RBMS3: variants seen among roughly 807,000 people sequenced by gnomAD.
RBMS3 encodes the protein RNA binding motif single stranded interacting protein 3.
Under a neutral mutation model 66.8 loss-of-function variants are expected in RBMS3, and 27 were observed. The ratio of observed to expected loss-of-function variants is 0.40; its 90% CI spans 0.30 to 0.56. The LOEUF (loss-of-function observed/expected upper bound fraction) is 0.56. Among genes scored for constraint, RBMS3 ranks in the 20% least tolerant of loss-of-function variants. The pLI is 0.40. For missense variants in RBMS3, 513 were observed against 549.5 expected (o/e 0.93, Z 0.66); for synonymous variants, 188 against 183.0 (o/e 1.03, Z -0.22).
At chr3:29,952,362 C>A (rs139103630) in intron 12 of RBMS3, among the ~76,000 whole-genome samples, 1 of 151,914 alleles carries the variant, frequency 6.6e-6, no homozygotes, top group Non-Finnish European at 1.5e-5. Flanking sequence ...GTTAATGCCA[C>A]TTTTCGTATT....
At chr3:29,301,589 A>G (rs2033674662) in intron 1 of RBMS3, among the ~76,000 whole-genome samples, 1 of 152,014 alleles carries the variant, frequency 6.6e-6, no homozygotes, top group Non-Finnish European at 1.5e-5. Context: ...AGTTTTTGTC[A>G]GAAAGAATGA....
chr3:29,630,448 C>T lies in RBMS3; in HGVS notation c.399+43243C>T, dbSNP rs796997997. ...TTGGGGACCAACTCATTGTCAATTT[C>T]CCCCAGTGCCTACTACAGTGCCTGC... On this transcript the variant is annotated intron_variant, in intron 4 of 14. Coordinates refer to ENST00000383767, the MANE Select transcript of RBMS3 (RefSeq NM_001003793.3). Among the ~76,000 whole-genome samples, 140 of 152,040 alleles carry T rather than the reference C, an allele frequency of 9.2e-4. 1 individual carries two copies. The highest frequency in any genetic ancestry group is 3.2e-3 in the African/African-American group (132 of 41,508).
intron 3 of RBMS3, among the ~76,000 whole-genome samples, chr3:29,521,738 C>G (rs2044864871): frequency 6.6e-6 from 1 of 152,194 alleles, no homozygotes; most frequent in African/African-American, 2.4e-5. Flanking sequence ...CTATCATTAT[C>G]TTCATTTTTC....
At chr3:29,329,776 G>A (rs2035542878) in intron 1 of RBMS3, among the ~76,000 whole-genome samples, 2 of 149,464 alleles carry the variant, frequency 1.3e-5, no homozygotes, top group African/African-American at 4.9e-5. Context: ...TCCTGACATG[G>A]AAAAAATCAT....
At chr3:29,451,752 A>G (rs1384478949) in intron 2 of RBMS3, among the ~76,000 whole-genome samples, 1 of 152,064 alleles carries the variant, frequency 6.6e-6, no homozygotes, top group Non-Finnish European at 1.5e-5. Context: ...TTCATTTGAG[A>G]TGGGCTAATG....
Position 29,527,102 on chromosome 3 carries a change from C to T in RBMS3, c.307+38603C>T, listed in dbSNP as rs528245030. Among the ~76,000 whole-genome samples, 265 of 140,894 alleles carry T rather than the reference C, an allele frequency of 1.9e-3. 1 individual carries two copies. Among genetic ancestry groups the T allele is most frequent in the African/African-American group, 6.6e-3 (248 of 37,860 alleles). 92.4% of individuals were successfully genotyped at this position (140,894 alleles called of 152,430 possible). A position where few individuals can be genotyped will look rare whatever the true frequency, so the allele number is the denominator to read the frequency against. On this transcript the variant is annotated intron_variant, in intron 3 of 14. Coordinates refer to ENST00000383767, the MANE Select transcript of RBMS3 (RefSeq NM_001003793.3). ...ATTCTGAAATATTTAAAAGCGTTCT[C>T]TTGGTGTCTACCAGGCCATGATATC...
chr3:29,701,744 C>T (rs1197302498), intron 4 of RBMS3, among the ~76,000 whole-genome samples: 1 of 152,142 alleles, frequency 6.6e-6, no homozygotes. Flanking sequence ...GCACCTGGTC[C>T]TCTAGCAGTG....
intron 12 of RBMS3, among the ~76,000 whole-genome samples, chr3:29,982,161 T>C (rs928858048): frequency 1.3e-5 from 2 of 152,200 alleles, no homozygotes; most frequent in Non-Finnish European, 2.9e-5. Context: ...GGAGGGTGTA[T>C]GTGTCCAGTA....
At chr3:29,774,310 G>A (rs551684749) in intron 6 of RBMS3, among the ~76,000 whole-genome samples, 2 of 152,132 alleles carry the variant, frequency 1.3e-5, no homozygotes, top group South Asian at 4.1e-4. Context: ...CCATTTAAAT[G>A]TTGATAAAGT....
intron 4 of RBMS3, among the ~76,000 whole-genome samples, chr3:29,658,817 G>T (rs1208536650): frequency 2.0e-5 from 3 of 152,086 alleles, no homozygotes; most frequent in African/African-American, 7.2e-5. Context: ...GCTGTTTTTT[G>T]TTTGTTTGCT....
intron 2 of RBMS3, among the ~76,000 whole-genome samples, chr3:29,464,945 A>G (rs979324580): frequency 3.9e-5 from 6 of 152,226 alleles, no homozygotes; most frequent in African/African-American, 1.4e-4. Context: ...ACCTATAAGC[A>G]TTTTAGGGAC....
chr3:29,377,854 A>C (rs2038558118), intron 1 of RBMS3, among the ~76,000 whole-genome samples: 1 of 152,212 alleles, frequency 6.6e-6, no homozygotes, highest in African/African-American at 2.4e-5. Flanking sequence ...AATCATCTGC[A>C]AAAAAGTGAT....
chr3:29,788,009 T>TA (rs752517798), intron 6 of RBMS3, among the ~76,000 whole-genome samples: 2 of 152,082 alleles, frequency 1.3e-5, no homozygotes, highest in Non-Finnish European at 2.9e-5. Context: ...CAGTGAAAAA[T>TA]ACTTTCTCTT....
At chr3:30,002,247 C>T (rs1193939138) in intron 14 of RBMS3, among the ~76,000 whole-genome samples, 3 of 151,964 alleles carry the variant, frequency 2.0e-5, no homozygotes, top group African/African-American at 7.2e-5. Flanking sequence ...GTCAGGTATT[C>T]TATGCACTGT....
intron 6 of RBMS3, among the ~76,000 whole-genome samples, chr3:29,866,762 C>A (rs185309459): frequency 1.3e-5 from 2 of 152,288 alleles, no homozygotes; most frequent in African/African-American, 4.8e-5. Context: ...TACAGTACTT[C>A]TAACATAAAG....
chr3:29,445,037 T>C (rs1015536905), intron 2 of RBMS3, among the ~76,000 whole-genome samples: 3 of 151,802 alleles, frequency 2.0e-5, no homozygotes, highest in African/African-American at 7.3e-5. Context: ...ACAATAGATT[T>C]ATTCAATTCA....
chr3:29,981,963 CT>C (rs761830756), intron 12 of RBMS3, among the ~76,000 whole-genome samples: 10 of 152,164 alleles, frequency 6.6e-5, no homozygotes, highest in Non-Finnish European at 1.5e-4. Context: ...AGGATTCCCT[CT>C]TTTTCTATTG....
intron 6 of RBMS3, among the ~76,000 whole-genome samples, chr3:29,818,268 T>C (rs1490150678): frequency 6.6e-6 from 1 of 152,180 alleles, no homozygotes; most frequent in African/African-American, 2.4e-5. Flanking sequence ...GTATACCGCA[T>C]TGTTTTTTCT....
chr3:29,849,950 C>A (rs1000537916), intron 6 of RBMS3, among the ~76,000 whole-genome samples: 3 of 152,158 alleles, frequency 2.0e-5, no homozygotes, highest in Non-Finnish European at 4.4e-5. Flanking sequence ...ATATTTGCAG[C>A]CTTATTTCTT....
Sources: allele counts gnomAD v4.1 joint callset (sites outside exome capture counted in the v4.1 genomes callset), GRCh38; gene constraint gnomAD v4.1.1; transcripts MANE v1.5; gene names NCBI Gene and HGNC (gene_info 2026-07-23, HGNC 2026-07-21).